The following ZNHIT6 variants were observed in gnomAD, a reference collection of about 807,000 sequenced individuals.
ZNHIT6 encodes the protein zinc finger HIT-type containing 6.
A neutral mutation model predicts 57.2 loss-of-function variants in ZNHIT6; 45 were observed. The ratio of observed to expected loss-of-function variants is 0.79; its 90% CI spans 0.62 to 1.01. The LOEUF is 1.01. Among genes scored for constraint, ZNHIT6 ranks in the 50% least tolerant of loss-of-function variants. ZNHIT6 has a pLI of 0.00. For synonymous variants in ZNHIT6, 188 were observed against 190.0 expected (o/e 0.99, Z 0.09); for missense variants, 528 against 567.3 (o/e 0.93, Z 0.70).
chr1:85,699,361 C>T (rs1409187987), intron 5 of ZNHIT6, among the ~76,000 whole-genome samples: 1 of 152,102 alleles, frequency 6.6e-6, no homozygotes, highest in Non-Finnish European at 1.5e-5. Context: ...ATTCTGTCTA[C>T]ATTATGTTAA....
intron 5 of ZNHIT6, among the ~76,000 whole-genome samples, chr1:85,683,553 G>T (rs1307372488): frequency 6.6e-6 from 1 of 151,826 alleles, no homozygotes; most frequent in Non-Finnish European, 1.5e-5. Context: ...GCTGAAATGG[G>T]TGAGTTAATT....
At chr1:85,686,997 TG>T (rs894387867) in intron 5 of ZNHIT6, among the ~76,000 whole-genome samples, 1 of 151,792 alleles carries the variant, frequency 6.6e-6, no homozygotes, top group East Asian at 1.9e-4. Context: ...AGGCCGGGCA[TG>T]GTGGCTCATT....
rs1168356788 is a variant in ZNHIT6 at position 85,663,818 on chromosome 1, A to G, written c.1248-5847T>C. ...CTTAAGAAACTTAGTTTAGCTGGAA[A>G]TGAAATTCCTGGTTGAAGATTTTTT... On this transcript the variant is annotated intron_variant, in intron 8 of 9. Coordinates refer to ENST00000370574, the MANE Select transcript of ZNHIT6 (RefSeq NM_017953.4). 2.0e-5 allele frequency among the ~76,000 whole-genome samples: 3 copies of G among 152,226 alleles called. No homozygotes were observed. The East Asian group carries it at 5.8e-4, about 29-fold the overall frequency.
At chr1:85,679,990 G>A (rs952460253) in intron 6 of ZNHIT6, among the ~76,000 whole-genome samples, 3 of 152,220 alleles carry the variant, frequency 2.0e-5, no homozygotes, top group African/African-American at 7.2e-5. Flanking sequence ...AGGATTGCTT[G>A]AGGCCAGGAG....
intron 5 of ZNHIT6, among the ~76,000 whole-genome samples, chr1:85,700,615 C>T (rs529339648): frequency 6.6e-6 from 1 of 152,094 alleles, no homozygotes; most frequent in Non-Finnish European, 1.5e-5. Flanking sequence ...TTACTGAGAA[C>T]TAATCTCTGA....
At chr1:85,707,366 G>C (rs1387054148) in intron 1 of ZNHIT6, among the ~76,000 whole-genome samples, 1 of 151,990 alleles carries the variant, frequency 6.6e-6, no homozygotes, top group African/African-American at 2.4e-5. Context: ...TGATCTTTTG[G>C]TCCCCAGAAT....
At chr1:85,697,855 T>C (rs1449492883) in intron 5 of ZNHIT6, among the ~76,000 whole-genome samples, 4 of 152,228 alleles carry the variant, frequency 2.6e-5, no homozygotes, top group Non-Finnish European at 4.4e-5. Context: ...ATCTTTTAAG[T>C]CATTCAGGAG....
intron 8 of ZNHIT6, among the ~76,000 whole-genome samples, chr1:85,675,362 G>A (rs1010887224): frequency 6.6e-6 from 1 of 152,064 alleles, no homozygotes; most frequent in East Asian, 1.9e-4. Context: ...TCCTTCTTTA[G>A]AGTCCCAAAG....
chr1:85,682,755 G>A (rs2100686503), intron 5 of ZNHIT6, among the ~76,000 whole-genome samples: 1 of 152,260 alleles, frequency 6.6e-6, no homozygotes, highest in East Asian at 1.9e-4. Context: ...ATAATGTAAA[G>A]AACACTCAAT....
rs1286856242 is a variant in ZNHIT6, at chr1:85,649,538, C to T, written c.*4520G>A. 1 of 152,164 alleles carries T rather than the reference C, an allele frequency of 6.6e-6. No homozygotes were observed. The highest frequency in any genetic ancestry group is 2.4e-5 in the African/African-American group (1 of 41,438). 9.4% of individuals were successfully genotyped at this position (152,164 alleles called of 1,614,324 possible). ...AAAGTTCAAAATGAGTACAGTACAT[C>T]ACACTCCAGTATGGAAAATGTTCAT... On this transcript the variant is annotated 3_prime_UTR_variant, in exon 10 of 10. Transcript: ENST00000370574.
chr1:85,705,358 G>C (rs144054890), intron 4 of ZNHIT6, among the ~76,000 whole-genome samples: 1 of 152,004 alleles, frequency 6.6e-6, no homozygotes, highest in African/African-American at 2.4e-5. Flanking sequence ...GGGAGTACAG[G>C]GGCACGCCAC....
intron 8 of ZNHIT6, among the ~76,000 whole-genome samples, chr1:85,663,785 C>T (rs1397454459): frequency 1.3e-5 from 2 of 152,166 alleles, no homozygotes; most frequent in African/African-American, 4.8e-5. Context: ...AATCTTATTT[C>T]TCCTTTGCTT....
chr1:85,675,736 A>C (rs1661682796), intron 8 of ZNHIT6, among the ~76,000 whole-genome samples: 1 of 152,208 alleles, frequency 6.6e-6, no homozygotes, highest in Non-Finnish European at 1.5e-5. Flanking sequence ...AAATCTGTTT[A>C]GTGTAGCCAC....
At position 85,653,887 on chromosome 1, in the gene ZNHIT6, T is replaced by G; in HGVS notation, c.*171A>C. ...TGAATAAATGGGTCTTACAAGTCAA[T>G]TAATTCAAGAGGTTATAAAATACAT... On this transcript the variant is annotated 3_prime_UTR_variant, in exon 10 of 10. Coordinates refer to ENST00000370574, the MANE Select transcript of ZNHIT6 (RefSeq NM_017953.4). The G allele has an allele frequency of 1.7e-6, 1 of 588,922 alleles. No individual in the cohort carries two copies. Among genetic ancestry groups the G allele is most frequent in the South Asian group, 2.3e-5 (1 of 43,250 alleles). The allele number at this position is 588,922 out of a possible 1,614,324, so 36.5% of individuals were successfully genotyped here. A position where few individuals can be genotyped will look rare whatever the true frequency, so the allele number is the denominator to read the frequency against.
chr1:85,701,272 G>A (rs539748383), intron 5 of ZNHIT6, among the ~76,000 whole-genome samples: 11 of 152,102 alleles, frequency 7.2e-5, no homozygotes, highest in Admixed American at 7.2e-4. Context: ...TAGTTTACCC[G>A]GGTCAACTCC....
chr1:85,669,260 C>T (rs1463946973), intron 8 of ZNHIT6, among the ~76,000 whole-genome samples: 1 of 152,008 alleles, frequency 6.6e-6, no homozygotes, highest in Admixed American at 6.6e-5. Context: ...TGGGGCTCAC[C>T]TGAGGCCTTT....
At chr1:85,686,268 T>C (rs1328731719) in intron 5 of ZNHIT6, among the ~76,000 whole-genome samples, 1 of 152,156 alleles carries the variant, frequency 6.6e-6, no homozygotes, top group Non-Finnish European at 1.5e-5. Flanking sequence ...CCCTTAACAT[T>C]CTTTTTAAAC....
At chr1:85,684,737 C>T (rs1421226092) in intron 5 of ZNHIT6, among the ~76,000 whole-genome samples, 1 of 152,164 alleles carries the variant, frequency 6.6e-6, no homozygotes, top group Non-Finnish European at 1.5e-5. Context: ...AGGGATCATT[C>T]TCTCCCACAG....
intron 6 of ZNHIT6, among the ~76,000 whole-genome samples, chr1:85,679,571 T>G (rs1339336821): frequency 1.3e-5 from 2 of 150,746 alleles, no homozygotes; most frequent in African/African-American, 4.9e-5. Flanking sequence ...ATGTTTTTTT[T>G]TTTTTTTTTT....
Sources: allele counts gnomAD v4.1 joint callset (sites outside exome capture counted in the v4.1 genomes callset), GRCh38; gene constraint gnomAD v4.1.1; transcripts MANE v1.5; gene names NCBI Gene and HGNC (gene_info 2026-07-23, HGNC 2026-07-21).